The following TJP1 variants were observed in gnomAD, a reference collection of about 807,000 sequenced individuals.
The protein encoded by TJP1 is tight junction protein 1, also known as tight junction protein ZO-1.
A neutral mutation model predicts 194.2 loss-of-function variants in TJP1; 43 were observed. The observed-to-expected ratio is 0.22, with a 90% CI of 0.17 to 0.29. The LOEUF (loss-of-function observed/expected upper bound fraction) is 0.29. Ranked by LOEUF, TJP1 falls within the 10% of genes least tolerant of loss-of-function variation. The pLI, the probability that TJP1 is intolerant of heterozygous loss-of-function variation, is 1.00. For synonymous variants in TJP1, 801 were observed against 779.0 expected (o/e 1.03, Z -0.47); for missense variants, 1,971 against 2,185.7 (o/e 0.90, Z 1.96).
At chr15:29,799,634 C>T (rs1420967903) in intron 2 of TJP1, among the ~76,000 whole-genome samples, 2 of 152,064 alleles carry the variant, frequency 1.3e-5, no homozygotes, top group Non-Finnish European at 2.9e-5. Flanking sequence ...CCAGGATGGT[C>T]TCAATCTCCT....
At chr15:29,956,900 TA>T (rs201047644) in intron 1 of TJP1, among the ~76,000 whole-genome samples, 2 of 146,258 alleles carry the variant, frequency 1.4e-5, no homozygotes, top group African/African-American at 5.0e-5. Flanking sequence ...GGTTTTTTTT[TA>T]AAAAAAGATT....
intron 1 of TJP1, among the ~76,000 whole-genome samples, chr15:29,962,024 C>T (rs1160131628): frequency 6.6e-6 from 1 of 152,222 alleles, no homozygotes; most frequent in Non-Finnish European, 1.5e-5. Context: ...GTCACACCTA[C>T]AAAGCTCTGT....
At chr15:29,832,635 T>C (rs565883506) in intron 2 of TJP1, among the ~76,000 whole-genome samples, 1 of 152,274 alleles carries the variant, frequency 6.6e-6, no homozygotes, top group African/African-American at 2.4e-5. Flanking sequence ...AAATGGTATA[T>C]ATGGAAACTG....
chr15:29,949,628 AC>A (rs2055533580), intron 2 of TJP1, among the ~76,000 whole-genome samples: 1 of 113,142 alleles, frequency 8.8e-6, no homozygotes, highest in Non-Finnish European at 1.8e-5. Context: ...CACCACCTCC[AC>A]CTCCACCACC....
chr15:29,922,760 T>C (rs2054405630), intron 2 of TJP1, among the ~76,000 whole-genome samples: 1 of 152,068 alleles, frequency 6.6e-6, no homozygotes, highest in Non-Finnish European at 1.5e-5. Flanking sequence ...AAGAAAAGCA[T>C]AATGGGATAA....
chr15:29,840,411 G>A (rs749173405), intron 2 of TJP1, among the ~76,000 whole-genome samples: 3 of 152,190 alleles, frequency 2.0e-5, no homozygotes, highest in Non-Finnish European at 4.4e-5. Flanking sequence ...ATGTTATTAA[G>A]TTAAACGTCT....
At chr15:29,943,300 A>G (rs903860319) in intron 2 of TJP1, among the ~76,000 whole-genome samples, 5 of 152,190 alleles carry the variant, frequency 3.3e-5, no homozygotes, top group Non-Finnish European at 5.9e-5. Context: ...CCTAATGACT[A>G]CTTTACAAGT....
At position 29,701,464 on chromosome 15, in the gene TJP1, G is replaced by C; in HGVS notation, c.*131C>G. 2 of 705,446 alleles carry C rather than the reference G, an allele frequency of 2.8e-6. No homozygotes were observed. Among genetic ancestry groups the C allele is most frequent in the Non-Finnish European group, 4.7e-6 (2 of 422,900 alleles). The allele number at this position is 705,446 out of a possible 1,614,324, so 43.7% of individuals were successfully genotyped here. ...GGGGCATGCTCACTCATCTTTATCAGTTCAAACAAATGCCTCATACTAACA... is the reference window on the plus strand; with the variant it reads ...GGGGCATGCTCACTCATCTTTATCACTTCAAACAAATGCCTCATACTAACA... On this transcript the variant is annotated 3_prime_UTR_variant, in exon 28 of 28. Coordinates refer to ENST00000614355, the MANE Select transcript of TJP1 (RefSeq NM_001330239.4).
intron 2 of TJP1, among the ~76,000 whole-genome samples, chr15:29,794,921 C>G (rs2048310381): frequency 6.6e-6 from 1 of 151,954 alleles, no homozygotes; most frequent in African/African-American, 2.4e-5. Context: ...TCACTGAAAA[C>G]AAAAGTAGGT....
At chr15:29,735,495 G>T (rs1425459500) in intron 11 of TJP1, among the ~76,000 whole-genome samples, 1 of 151,142 alleles carries the variant, frequency 6.6e-6, no homozygotes, top group Non-Finnish European at 1.5e-5. Flanking sequence ...AGGCTGAGGG[G>T]AAGAATGTTT....
At chr15:29,913,327 C>A (rs760485082) in intron 2 of TJP1, among the ~76,000 whole-genome samples, 1 of 152,014 alleles carries the variant, frequency 6.6e-6, no homozygotes, top group East Asian at 1.9e-4. Flanking sequence ...GGAAAGATAA[C>A]CTTGATAAAA....
At chr15:29,955,658 G>T (rs554177124) in intron 2 of TJP1, among the ~76,000 whole-genome samples, 1 of 149,784 alleles carries the variant, frequency 6.7e-6, no homozygotes, top group African/African-American at 2.5e-5. Flanking sequence ...GGCTGATGTG[G>T]GAGGATCACA....
At chr15:29,803,509 AT>A (rs2048920578) in intron 1 of TJP1, among the ~76,000 whole-genome samples, 1 of 152,112 alleles carries the variant, frequency 6.6e-6, no homozygotes, top group South Asian at 2.1e-4. Context: ...TATTAAATGC[AT>A]TTTTGACGTA....
At chr15:29,834,381 A>G (rs1012783167) in intron 2 of TJP1, among the ~76,000 whole-genome samples, 3 of 151,808 alleles carry the variant, frequency 2.0e-5, no homozygotes, top group Non-Finnish European at 4.4e-5. Context: ...CCACCCGCCC[A>G]GCTAATTTTT....
At chr15:29,928,010 G>T (rs898583695) in intron 2 of TJP1, among the ~76,000 whole-genome samples, 6 of 151,836 alleles carry the variant, frequency 4.0e-5, no homozygotes, top group Non-Finnish European at 8.8e-5. Context: ...CATCTCGGAG[G>T]AGAAATATCT....
chr15:29,822,498 T>TGCCCG (rs1424972093), upstream of TJP1: 1 of 978,876 alleles, frequency 1.0e-6, no homozygotes, highest in Admixed American at 6.4e-5. Context: ...CCACTGAGCA[T>TGCCCG]GCCCGGCCCG....
intron 1 of TJP1, among the ~76,000 whole-genome samples, chr15:29,961,717 C>G (rs2056171884): frequency 6.6e-6 from 1 of 152,160 alleles, no homozygotes; most frequent in Non-Finnish European, 1.5e-5. Context: ...TTGATCTGCC[C>G]ATTTCCCTTC....
intron 1 of TJP1, among the ~76,000 whole-genome samples, chr15:29,814,963 C>T (rs1236100555): frequency 6.6e-6 from 1 of 152,166 alleles, no homozygotes; most frequent in Non-Finnish European, 1.5e-5. Context: ...TTTTACAGTA[C>T]AAAGTTTGGT....
intron 2 of TJP1, among the ~76,000 whole-genome samples, chr15:29,844,190 C>A (rs2051328481): frequency 6.6e-6 from 1 of 152,172 alleles, no homozygotes; most frequent in African/African-American, 2.4e-5. Flanking sequence ...CCTGCCTCAG[C>A]CTCCCGAGTA....
Sources: allele counts gnomAD v4.1 joint callset (sites outside exome capture counted in the v4.1 genomes callset), GRCh38; gene constraint gnomAD v4.1.1; transcripts MANE v1.5; gene names NCBI Gene and HGNC (gene_info 2026-07-23, HGNC 2026-07-21).